CCNJL: variants seen among roughly 807,000 people sequenced by gnomAD.
The protein encoded by CCNJL is cyclin J like.
CCNJL carries 33 observed loss-of-function variants against 33.4 expected under a neutral mutation model. The ratio of observed to expected loss-of-function variants is 0.99; its 90% CI spans 0.75 to 1.32. CCNJL has a LOEUF of 1.32. Among genes scored for constraint, CCNJL ranks in the 40% most tolerant of loss-of-function variants. The pLI, the probability that CCNJL is intolerant of heterozygous loss-of-function variation, is 0.00. For synonymous variants in CCNJL, 227 were observed against 220.9 expected, an observed-to-expected ratio of 1.03 and a Z score of -0.24; for missense variants, 512 against 499.7, an observed-to-expected ratio of 1.02 and a Z score of -0.23.
intron 3 of CCNJL, among the ~76,000 whole-genome samples, chr5:160,267,283 T>C (rs1327483978): frequency 6.6e-6 from 1 of 152,132 alleles, no homozygotes; most frequent in Non-Finnish European, 1.5e-5. Flanking sequence ...CTCAGCTGAT[T>C]CTGGCAACGA....
intron 2 of CCNJL, among the ~76,000 whole-genome samples, chr5:160,302,091 C>A (rs1259685804): frequency 6.6e-6 from 1 of 152,162 alleles, no homozygotes; most frequent in South Asian, 2.1e-4. Flanking sequence ...TCACTGTACA[C>A]TATAAACGGT....
chr5:160,278,945 T>G (rs1435312197), intron 3 of CCNJL, among the ~76,000 whole-genome samples: 3 of 152,184 alleles, frequency 2.0e-5, no homozygotes, highest in Non-Finnish European at 2.9e-5. Flanking sequence ...CCAGCAAGAC[T>G]GGCTCGCATG....
chr5:160,320,776 TTTTCTTTCTTTCCTTTC>T (rs1763430703), intron 1 of CCNJL, among the ~76,000 whole-genome samples: 1 of 145,840 alleles, frequency 6.9e-6, no homozygotes, highest in East Asian at 1.9e-4. Flanking sequence ...TCTTTCTTTC[TTTTCTTTCTTTCCTTTC>T]TTTCTTTCTT....
At chr5:160,265,166 G>A (rs1442220293) in intron 3 of CCNJL, among the ~76,000 whole-genome samples, 1 of 152,206 alleles carries the variant, frequency 6.6e-6, no homozygotes, top group African/African-American at 2.4e-5. Context: ...TCTGCACTGT[G>A]CCCCACGAAT....
At chr5:160,261,723 G>A (rs1485372628) in intron 3 of CCNJL, among the ~76,000 whole-genome samples, 4 of 151,618 alleles carry the variant, frequency 2.6e-5, no homozygotes, top group Non-Finnish European at 2.9e-5. Flanking sequence ...CCCCCTTATC[G>A]GTGTCCTCCA....
chr5:160,314,058 A>T (rs899624741), upstream of CCNJL, among the ~76,000 whole-genome samples: 22 of 152,278 alleles, frequency 1.4e-4, no homozygotes, highest in Middle Eastern at 3.4e-3. Flanking sequence ...AATCCCAGCT[A>T]CTTGGTAGGC....
intron 2 of CCNJL, among the ~76,000 whole-genome samples, chr5:160,310,125 T>C (rs1427123904): frequency 6.6e-6 from 1 of 152,210 alleles, no homozygotes; most frequent in Non-Finnish European, 1.5e-5. Context: ...TCCTAAGCTA[T>C]GAGCAGAAAT....
chr5:160,310,902 G>A (rs1053091350), intron 2 of CCNJL, among the ~76,000 whole-genome samples: 1 of 152,156 alleles, frequency 6.6e-6, no homozygotes, highest in African/African-American at 2.4e-5. Context: ...GAGAGTCATG[G>A]CCCTGCTAAC....
At chr5:160,307,184 T>C (rs756025215) in intron 2 of CCNJL, among the ~76,000 whole-genome samples, 1 of 152,222 alleles carries the variant, frequency 6.6e-6, no homozygotes, top group South Asian at 2.1e-4. Flanking sequence ...TGCCTGTGCC[T>C]GCATCAGGTG....
chr5:160,311,829 G>A (rs756003149), intron 2 of CCNJL, 29 bp downstream of exon 2: 5 of 1,605,118 alleles, frequency 3.1e-6, no homozygotes, highest in Non-Finnish European at 4.3e-6. Context: ...ACCCAGTCTT[G>A]AGAGTGACAA....
chr5:160,336,106 G>A (rs1186097622), intron 1 of CCNJL, among the ~76,000 whole-genome samples: 1 of 152,116 alleles, frequency 6.6e-6, no homozygotes, highest in East Asian at 1.9e-4. Context: ...ATAGACTGAG[G>A]ACTTCTAAAT....
chr5:160,282,394 G>A (rs1271449029), intron 2 of CCNJL, among the ~76,000 whole-genome samples: 1 of 152,182 alleles, frequency 6.6e-6, no homozygotes, highest in Non-Finnish European at 1.5e-5. Context: ...AATGGCCTTA[G>A]ATTAGGCAAT....
intron 2 of CCNJL, among the ~76,000 whole-genome samples, chr5:160,283,174 CA>C (rs1383153424): frequency 6.6e-6 from 1 of 151,238 alleles, no homozygotes; most frequent in Non-Finnish European, 1.5e-5. Flanking sequence ...ATCCATACAA[CA>C]GAATATTACA....
At chr5:160,258,310 T>C in intron 4 of CCNJL, 1 of 751,666 alleles carries the variant, frequency 1.3e-6, no homozygotes, top group East Asian at 2.5e-5. Context: ...TATTCGAAAA[T>C]GGTATTACAA....
At chr5:160,293,793 T>C (rs1762663340) in intron 2 of CCNJL, among the ~76,000 whole-genome samples, 1 of 152,118 alleles carries the variant, frequency 6.6e-6, no homozygotes, top group South Asian at 2.1e-4. Context: ...AATCTTGGGC[T>C]TGGACATCAG....
At chr5:160,330,473 G>A (rs756312139) in intron 1 of CCNJL, among the ~76,000 whole-genome samples, 9 of 152,074 alleles carry the variant, frequency 5.9e-5, no homozygotes, top group East Asian at 3.9e-4. Flanking sequence ...TAAAGGTGTC[G>A]TGGGCTCCTC....
chr5:160,339,344 G>A (rs1763721470), intron 1 of CCNJL: 2 of 322,518 alleles, frequency 6.2e-6, no homozygotes, highest in Non-Finnish European at 1.2e-5. Context: ...TCTATATAAT[G>A]AGCAACATGC....
chr5:160,256,672 C>T (rs771095794), intron 4 of CCNJL, among the ~76,000 whole-genome samples: 14 of 152,272 alleles, frequency 9.2e-5, no homozygotes, highest in East Asian at 1.9e-4. Context: ...AATCCCAGCA[C>T]TTTGGGAGGC....
At chr5:160,254,428 G>A (rs563996432) in intron 5 of CCNJL, 16 of 539,978 alleles carry the variant, frequency 3.0e-5, no homozygotes, top group Middle Eastern at 2.7e-4. Context: ...GGCATGCACC[G>A]ACACTCAGAC....
Sources: gnomAD v4.1 joint callset for allele counts (sites outside exome capture counted in the v4.1 genomes callset) on GRCh38, gnomAD v4.1.1 for gene constraint, MANE v1.5 for transcripts, NCBI Gene and HGNC (gene_info 2026-07-23, HGNC 2026-07-21) for gene names.